Variants in ARMH1 observed in about 807,000 individuals in gnomAD.
The protein encoded by ARMH1 is armadillo-like helical domain containing protein 1.
In ARMH1, 34 loss-of-function variants were observed where a neutral mutation model predicts 50.2. The ratio of observed to expected loss-of-function variants is 0.68; its 90% CI spans 0.51 to 0.90. The LOEUF (loss-of-function observed/expected upper bound fraction) is 0.90. Among genes scored for constraint, ARMH1 ranks in the 40% least tolerant of loss-of-function variants. The pLI is 0.00. For missense variants in ARMH1, 538 were observed against 553.9 expected (o/e 0.97, Z 0.29); for synonymous variants, 221 against 224.2 (o/e 0.99, Z 0.13).
intron 6 of ARMH1, among the ~76,000 whole-genome samples, chr1:44,713,487 C>G (rs1003456762): frequency 6.6e-6 from 1 of 152,120 alleles, no homozygotes; most frequent in Admixed American, 6.6e-5. Context: ...CTTCATTGAA[C>G]AGCAGTCAGA....
At chr1:44,718,671 G>C (rs1023824982) in intron 6 of ARMH1, among the ~76,000 whole-genome samples, 26 of 152,180 alleles carry the variant, frequency 1.7e-4, no homozygotes, top group African/African-American at 6.0e-4. Context: ...GATTGCGAGG[G>C]CTACCTTAGA....
Position 44,683,676 on chromosome 1 carries a change from T to A in ARMH1, c.-22-6000T>A, listed in dbSNP as rs146485849. ...CCTTGGAGCACAGAGGAGAACAGGA[T>A]CCATGCCCTTGGCTTAGTGGGGAAA... is the stretch of plus-strand genomic sequence containing the variant. On this transcript the variant is annotated intron_variant, in intron 1 of 11. Transcript: ENST00000535358. This position sits in a 1 kb window ranked among gnomAD's most constrained non-coding sequence, Gnocchi z 4.2. 1.6e-3 allele frequency among the ~76,000 whole-genome samples: 239 copies of A among 152,292 alleles called. 1 individual carries two copies. The highest frequency in any genetic ancestry group is 5.5e-3 in the African/African-American group (228 of 41,562).
intron 3 of ARMH1, among the ~76,000 whole-genome samples, 187 bp downstream of exon 3, chr1:44,697,357 C>T (rs368989497): frequency 5.2e-4 from 79 of 152,192 alleles, no homozygotes; most frequent in African/African-American, 1.6e-3. Flanking sequence ...CCTTTCTCTC[C>T]AGTGGCGCTT....
intron 4 of ARMH1, among the ~76,000 whole-genome samples, chr1:44,700,375 C>A (rs765174068): frequency 6.6e-6 from 1 of 152,042 alleles, no homozygotes; most frequent in Admixed American, 6.6e-5. Context: ...CCCAACACTT[C>A]GGGAGGCCAA....
intron 1 of ARMH1, among the ~76,000 whole-genome samples, chr1:44,687,040 G>A (rs1645495183): frequency 6.6e-6 from 1 of 152,022 alleles, no homozygotes; most frequent in Non-Finnish European, 1.5e-5. Flanking sequence ...TACATCGAAT[G>A]ATAGCAGTGT....
At chr1:44,695,916 G>A (rs1338265115) in intron 2 of ARMH1, among the ~76,000 whole-genome samples, 1 of 146,810 alleles carries the variant, frequency 6.8e-6, no homozygotes, top group African/African-American at 2.5e-5. Context: ...CTGTGCCCCA[G>A]CCTGGGCAAC....
chr1:44,680,879 A>G (rs1645285749), intron 1 of ARMH1, among the ~76,000 whole-genome samples: 1 of 152,094 alleles, frequency 6.6e-6, no homozygotes, highest in South Asian at 2.1e-4. Flanking sequence ...CTGTTTCTTC[A>G]AATGGTGTGA....
At chr1:44,679,135 G>A (rs76258306) in intron 1 of ARMH1, among the ~76,000 whole-genome samples, 2,147 of 152,296 alleles carry the variant, frequency 0.014, 50 homozygotes, top group African/African-American at 0.049. Context: ...AATTTGGACC[G>A]AGGTTCTTAA....
In ARMH1 at chr1:44,682,474, G is replaced by A. The variant is rs966559247; in HGVS notation, c.-22-7202G>A. ...CTGATTTAGAAGCAGCAGCAGCATGGGTTGAGGCAAGGGGTGGGGTGGGGT... is the reference window on the plus strand; with the variant it reads ...CTGATTTAGAAGCAGCAGCAGCATGAGTTGAGGCAAGGGGTGGGGTGGGGT... On this transcript the variant is annotated intron_variant, in intron 1 of 11. Coordinates refer to ENST00000535358, the MANE Select transcript of ARMH1 (RefSeq NM_001145636.2). This position sits in a 1 kb window ranked among gnomAD's most constrained non-coding sequence, Gnocchi z 4.5. Among the ~76,000 whole-genome samples, 1 of 152,234 alleles carries A rather than the reference G, an allele frequency of 6.6e-6. No homozygotes were observed. Among genetic ancestry groups the A allele is most frequent in the Non-Finnish European group, 1.5e-5 (1 of 68,040 alleles).
intron 1 of ARMH1, among the ~76,000 whole-genome samples, chr1:44,680,762 G>A (rs896715966): frequency 1.7e-4 from 26 of 152,072 alleles, no homozygotes; most frequent in African/African-American, 5.3e-4. Context: ...AGAGGGTTGC[G>A]CTTGATGGCC....
chr1:44,712,037 C>T (rs1646634488), intron 6 of ARMH1, among the ~76,000 whole-genome samples: 1 of 152,194 alleles, frequency 6.6e-6, no homozygotes, highest in Admixed American at 6.5e-5. Flanking sequence ...CCACACTATT[C>T]TTTCTTCAGT....
intron 2 of ARMH1, 55 bp downstream of exon 2, chr1:44,689,958 G>A (rs949953682): frequency 1.4e-5 from 21 of 1,482,152 alleles, no homozygotes; most frequent in East Asian, 7.4e-5. Context: ...GGTGGCTCAC[G>A]CCTGTAATCC....
In ARMH1 at chr1:44,723,983, A is replaced by T. The variant is rs1459687452; in HGVS notation, c.725-139A>T. The T allele has an allele frequency of 8.9e-6, 10 of 1,127,620 alleles. No individual in the cohort carries two copies. In the East Asian group the frequency reaches 2.9e-4, roughly 33 times the overall value. The allele number at this position is 1,127,620 out of a possible 1,614,324, so 69.9% of individuals were successfully genotyped here. A position where few individuals can be genotyped will look rare whatever the true frequency, so the allele number is the denominator to read the frequency against. ...CTCTTCAACTGAGGTTCGCCTTCCC[A>T]GCTCCCCCACGCCCTGCACAGTGCT... On this transcript the variant is annotated intron_variant, in intron 6 of 11. Coordinates refer to ENST00000535358, the MANE Select transcript of ARMH1 (RefSeq NM_001145636.2).
chr1:44,725,432 AG>A lies in ARMH1; in HGVS notation c.*31del. 1 of 1,549,686 alleles carries A rather than the reference AG, an allele frequency of 6.5e-7. No homozygotes were observed. Among genetic ancestry groups the A allele is most frequent in the Non-Finnish European group, 8.7e-7 (1 of 1,145,154 alleles). ...CCCCTGTGGCAAACCAGGAAGGCCA[AG>A]GCTGCGGGGCAGGGAAGCCTGGCAA... On this transcript the variant is annotated 3_prime_UTR_variant, in exon 12 of 12. Coordinates refer to ENST00000535358, the MANE Select transcript of ARMH1 (RefSeq NM_001145636.2).
rs1395108886 is a variant in ARMH1 at position 44,681,107 on chromosome 1, G to A, written c.-23+6234G>A. 6.6e-6 allele frequency among the ~76,000 whole-genome samples: 1 copy of A among 150,566 alleles called. No homozygotes were observed. The highest frequency in any genetic ancestry group is 2.5e-5 in the African/African-American group (1 of 40,778). On this transcript the variant is annotated intron_variant, in intron 1 of 11. Transcript: ENST00000535358. This position sits in a 1 kb window ranked among gnomAD's most constrained non-coding sequence, Gnocchi z 4.3. ...CCTCCCGGGTTCACGCCATTCTCCT[G>A]CCTCAGCCTCCCGAGTAGCTGGGAC...
rs1437631922 is a variant in ARMH1 at position 44,689,825 on chromosome 1, C to A, written c.128C>A (p.Thr43Asn). The A allele has an allele frequency of 1.9e-6, 3 of 1,551,594 alleles. No homozygotes were observed. The highest frequency in any genetic ancestry group is 1.7e-6 in the Non-Finnish European group (2 of 1,147,018). The change falls in exon 2 of 12, where the codon ACT becomes AAT. Residue 43 changes from threonine to asparagine, a missense_variant. Thr to Asn is a moderately conservative substitution (Grantham distance 65). Transcript: ENST00000535358. ...TTCATTGAAACCAACCAAGGCAAGA[C>A]TGCCCCTGAACTGGAGCAGGAGTTT... ...DKFIETNQGK[T>N]APELEQEFSQ...
At chr1:44,723,797 G>T (rs1297950536) in intron 6 of ARMH1, 2 of 259,360 alleles carry the variant, frequency 7.7e-6, no homozygotes, top group Non-Finnish European at 1.5e-5. Flanking sequence ...TTGTCTTCCC[G>T]TAAAGACCCA....
At position 44,724,531 on chromosome 1, in the gene ARMH1, C is replaced by T. The variant is rs1263323249; in HGVS notation, c.921-8C>T. On this transcript the variant is annotated splice_region_variant and splice_polypyrimidine_tract_variant and intron_variant, in intron 8 of 11. Transcript: ENST00000535358. The surrounding 1 kb of genome is among the most constrained non-coding windows in gnomAD (Gnocchi z 6.4). ...AGGGCGTCGCCCCAGCCCGAACCCC[C>T]GGCCCAGGGTCCTGGCGCGCAACGA... The T allele has an allele frequency of 8.6e-6, 13 of 1,505,636 alleles. No individual in the cohort carries two copies. The highest frequency in any genetic ancestry group is 1.2e-5 in the South Asian group (1 of 81,348). The allele number at this position is 1,505,636 out of a possible 1,614,324, so 93.3% of individuals were successfully genotyped here.
intron 1 of ARMH1, among the ~76,000 whole-genome samples, chr1:44,678,842 T>C (rs1404959025): frequency 6.6e-6 from 1 of 152,224 alleles, no homozygotes. Context: ...AAACAAGACC[T>C]ATTGACCTCT....
Sources: gnomAD v4.1 joint callset for allele counts (sites outside exome capture counted in the v4.1 genomes callset) on GRCh38, gnomAD v4.1.1 for gene constraint, Gnocchi (gnomAD v3.1) non-coding constraint, MANE v1.5 for transcripts, NCBI Gene and HGNC (gene_info 2026-07-23, HGNC 2026-07-21) for gene names.